NBEA: variants seen among roughly 807,000 people sequenced by gnomAD.
NBEA encodes lysosomal-trafficking regulator 2.
In NBEA, 44 loss-of-function variants were observed where a neutral mutation model predicts 343.4. That is an observed-to-expected ratio of 0.13 (90% CI 0.10 to 0.16). The LOEUF (loss-of-function observed/expected upper bound fraction) is 0.16, where lower values mean the gene tolerates loss of function less well. Among genes scored for constraint, NBEA ranks in the 10% least tolerant of loss-of-function variants. NBEA has a pLI of 1.00. For missense variants in NBEA, 2,555 were observed against 3,631.3 expected, an observed-to-expected ratio of 0.70 and a Z score of 7.62; for synonymous variants, 1,175 against 1,238.7, an observed-to-expected ratio of 0.95 and a Z score of 1.08.
In NBEA at chr13:35,039,192, C is replaced by T. The variant is rs370563898; in HGVS notation, c.295-1741C>T. Among the ~76,000 whole-genome samples, 12 of 152,192 alleles carry T rather than the reference C, an allele frequency of 7.9e-5. 1 individual carries two copies. The East Asian group carries it at 2.1e-3, about 27-fold the overall frequency. On this transcript the variant is annotated intron_variant, in intron 1 of 58. Transcript: ENST00000379939. ...CACAATTGCTCTGTTCTCCCTTCAC[C>T]AGCACCCAGAGATGCTCTTGGCACC...
At chr13:35,668,647 A>G in intron 58 of NBEA, 128 bp downstream of exon 58, 1 of 963,664 alleles carries the variant, frequency 1.0e-6, no homozygotes, top group Non-Finnish European at 1.4e-6. Context: ...TGGCAAAGAA[A>G]AGGGGAAAAT....
intron 38 of NBEA, among the ~76,000 whole-genome samples, chr13:35,381,439 A>G (rs1217496349): frequency 6.6e-6 from 1 of 152,136 alleles, no homozygotes; most frequent in Admixed American, 6.6e-5. Flanking sequence ...ACAAAGCAAT[A>G]TTTAGTAATA....
intron 40 of NBEA, 29 bp downstream of exon 40, chr13:35,452,264 T>A (rs1277370304): frequency 1.3e-6 from 2 of 1,519,750 alleles, no homozygotes; most frequent in East Asian, 2.5e-5. Flanking sequence ...TTTTCCTATT[T>A]GTTGTAAATA....
chr13:35,629,420 C>T (rs901129518), intron 49 of NBEA, among the ~76,000 whole-genome samples: 4 of 152,022 alleles, frequency 2.6e-5, no homozygotes, highest in African/African-American at 9.7e-5. Flanking sequence ...AAAATGACTC[C>T]ATTTGTATGG....
At chr13:35,421,245 G>C (rs941308880) in intron 38 of NBEA, among the ~76,000 whole-genome samples, 1 of 151,502 alleles carries the variant, frequency 6.6e-6, no homozygotes, top group Admixed American at 6.6e-5. Flanking sequence ...TTAAATCAAG[G>C]GTTATTTATT....
chr13:35,203,449 T>C (rs951277189), intron 31 of NBEA, among the ~76,000 whole-genome samples: 1 of 152,196 alleles, frequency 6.6e-6, no homozygotes, highest in African/African-American at 2.4e-5. Flanking sequence ...CTTCTTCTTA[T>C]CTATGCTTTA....
intron 46 of NBEA, among the ~76,000 whole-genome samples, chr13:35,587,028 A>G (rs899164976): frequency 1.3e-5 from 2 of 152,204 alleles, no homozygotes; most frequent in South Asian, 2.1e-4. Context: ...CAAAAAAACT[A>G]ATTAATTGGA....
intron 1 of NBEA, among the ~76,000 whole-genome samples, chr13:34,957,113 C>G (rs1372153454): frequency 9.9e-5 from 15 of 151,840 alleles, no homozygotes; most frequent in Admixed American, 9.9e-4. Context: ...ATATACCCAC[C>G]ATAGTGATAT....
At chr13:35,181,962 A>G (rs566712119) in intron 28 of NBEA, among the ~76,000 whole-genome samples, 1 of 151,748 alleles carries the variant, frequency 6.6e-6, no homozygotes, top group South Asian at 2.1e-4. Context: ...GTTTTATCCT[A>G]CTAATTTTAT....
intron 45 of NBEA, 48 bp from the exon 46 acceptor site, chr13:35,583,850 A>T (rs2081168623): frequency 2.3e-6 from 3 of 1,323,352 alleles, no homozygotes; most frequent in Non-Finnish European, 3.2e-6. Context: ...ATTATCTAGG[A>T]TATCTAATAT....
At chr13:35,633,016 G>GA (rs35343385) in intron 49 of NBEA, among the ~76,000 whole-genome samples, 3,326 of 117,288 alleles carry the variant, frequency 0.028, 83 homozygotes, top group African/African-American at 0.076. Flanking sequence ...GTCTTATTTT[G>GA]AAAAAAAAAA....
At chr13:35,341,995 A>G (rs1248773399) in intron 36 of NBEA, among the ~76,000 whole-genome samples, 1 of 152,126 alleles carries the variant, frequency 6.6e-6, no homozygotes, top group Non-Finnish European at 1.5e-5. Context: ...TGGTAAACAA[A>G]CTATGATATA....
intron 33 of NBEA, among the ~76,000 whole-genome samples, chr13:35,224,051 C>A (rs116972931): frequency 6.6e-6 from 1 of 152,146 alleles, no homozygotes; most frequent in African/African-American, 2.4e-5. Context: ...CTCCTACATT[C>A]GGCATTAGTA....
In NBEA at chr13:35,142,399, TGAA is replaced by T. The variant is rs768445682; in HGVS notation, c.2445+23_2445+25del. The T allele has an allele frequency of 3.8e-6, 6 of 1,575,408 alleles. No homozygotes were observed. The South Asian group carries it at 6.7e-5, about 18-fold the overall frequency. On this transcript the variant is annotated intron_variant, in intron 18 of 58. Transcript: ENST00000379939. ...TGAGGTAAAAATAAAAAATGTGTGA[TGAA>T]AGTTTTAAGTGTATACAGTGGAAAC...
At chr13:35,304,205 G>T (rs2152828252) in intron 35 of NBEA, among the ~76,000 whole-genome samples, 1 of 152,090 alleles carries the variant, frequency 6.6e-6, no homozygotes, top group African/African-American at 2.4e-5. Flanking sequence ...TCTTCTTTTG[G>T]TAGAAAACTA....
chr13:35,210,895 G>A (rs2073728281), intron 32 of NBEA, among the ~76,000 whole-genome samples, 158 bp from the exon 33 acceptor site: 1 of 152,066 alleles, frequency 6.6e-6, no homozygotes, highest in South Asian at 2.1e-4. Flanking sequence ...ATAAAATTAT[G>A]TTCATTAGCA....
intron 48 of NBEA, among the ~76,000 whole-genome samples, chr13:35,624,058 GT>G (rs34255206): frequency 0.031 from 1,601 of 51,416 alleles, 31 homozygotes; most frequent in African/African-American, 0.1. Context: ...GTGTGTGGGT[GT>G]GTGTGTGTGT....
chr13:35,612,201 C>G (rs554625706), intron 48 of NBEA, among the ~76,000 whole-genome samples: 1 of 151,716 alleles, frequency 6.6e-6, no homozygotes, highest in East Asian at 1.9e-4. Flanking sequence ...GGCACCATCT[C>G]GGCTCACTAC....
At chr13:35,044,130 A>G (rs1000012682) in intron 2 of NBEA, among the ~76,000 whole-genome samples, 1 of 152,172 alleles carries the variant, frequency 6.6e-6, no homozygotes, top group African/African-American at 2.4e-5. Flanking sequence ...TGTTATATGC[A>G]CATAAACACT....
Sources: allele counts gnomAD v4.1 joint callset (sites outside exome capture counted in the v4.1 genomes callset), GRCh38; gene constraint gnomAD v4.1.1; transcripts MANE v1.5; gene names NCBI Gene and HGNC (gene_info 2026-07-23, HGNC 2026-07-21).